EYS: variants seen among roughly 807,000 people sequenced by gnomAD.
EYS encodes protein eyes shut homolog.
In EYS, 250 loss-of-function variants were observed where a neutral mutation model predicts 282.1. The observed-to-expected ratio is 0.89, with a 90% CI of 0.80 to 0.98. The LOEUF (loss-of-function observed/expected upper bound fraction) is 0.98, where lower values mean the gene tolerates loss of function less well. Ranked by LOEUF, EYS falls within the 50% of genes least tolerant of loss-of-function variation. EYS has a pLI of 0.00. For missense variants in EYS, 4,016 were observed against 3,709.0 expected (o/e 1.08, Z -2.15); for synonymous variants, 1,355 against 1,282.9 (o/e 1.06, Z -1.20).
At position 63,726,536 on chromosome 6, in the gene EYS, T is replaced by G; in HGVS notation, c.8216A>C (p.His2739Pro). 3 of 1,550,138 alleles carry G rather than the reference T, an allele frequency of 1.9e-6. No individual in the cohort carries two copies. The South Asian group carries it at 3.6e-5, about 19-fold the overall frequency. Residue 2739 changes from histidine (H) to proline (P), a missense_variant, in exon 42 of 43, where the codon CAC (histidine) becomes CCC (proline). His to Pro is a moderately conservative substitution (Grantham distance 77, BLOSUM62 -2). Coordinates refer to ENST00000503581, the MANE Select transcript of EYS (RefSeq NM_001142800.2). ...AATCTTACCTGATTGGGCTTTTAAG[T>G]GTTGTGCAGCATAAAATAGGATACC... ...ADGILFYAAQ[H>P]LKAQSGDFLC...
At chr6:64,886,265 C>G (rs1767083716) in intron 19 of EYS, among the ~76,000 whole-genome samples, 1 of 151,786 alleles carries the variant, frequency 6.6e-6, no homozygotes, top group African/African-American at 2.4e-5. Context: ...ATACTGACAG[C>G]TAATGCCAAT....
intron 19 of EYS, among the ~76,000 whole-genome samples, chr6:64,854,987 G>A (rs1003242015): frequency 5.9e-5 from 9 of 152,072 alleles, no homozygotes; most frequent in East Asian, 1.9e-4. Context: ...TACTTTTAAG[G>A]TGTCACTATT....
At chr6:65,288,676 T>A (rs900613628) in intron 12 of EYS, among the ~76,000 whole-genome samples, 5 of 151,024 alleles carry the variant, frequency 3.3e-5, no homozygotes, top group African/African-American at 4.8e-5. Flanking sequence ...ATGTAGGAGA[T>A]AAATAAGGGC....
intron 22 of EYS, among the ~76,000 whole-genome samples, chr6:64,703,429 A>ATATTTTTTCTTT (rs869208549): frequency 4.3e-5 from 1 of 23,366 alleles, no homozygotes; most frequent in Non-Finnish European, 1.1e-4. Context: ...ATATATATAT[A>ATATTTTTTCTTT]TTTTTTTTTT....
intron 2 of EYS, among the ~76,000 whole-genome samples, chr6:65,530,499 A>T (rs7770336): frequency 0.076 from 11,594 of 152,226 alleles, 1,318 homozygotes; most frequent in African/African-American, 0.25. Context: ...ATCTATCTAG[A>T]CTTAACAGAA....
chr6:64,716,346 A>G (rs1771391102), intron 22 of EYS, among the ~76,000 whole-genome samples: 1 of 152,190 alleles, frequency 6.6e-6, no homozygotes, highest in Admixed American at 6.5e-5. Flanking sequence ...CAATTGCGAT[A>G]TTGGTTGGCA....
chr6:64,323,449 T>C (rs552367726), intron 29 of EYS, among the ~76,000 whole-genome samples: 2 of 152,272 alleles, frequency 1.3e-5, no homozygotes, highest in Admixed American at 6.5e-5. Context: ...GTTTCCATTT[T>C]TGGCTAGTGT....
chr6:65,041,956 G>T (rs1048886681), intron 13 of EYS, among the ~76,000 whole-genome samples: 1 of 151,474 alleles, frequency 6.6e-6, no homozygotes. Flanking sequence ...CTCACTTCTA[G>T]GTACTAATTT....
At chr6:64,963,131 G>T (rs1417022704) in intron 14 of EYS, among the ~76,000 whole-genome samples, 1 of 152,138 alleles carries the variant, frequency 6.6e-6, no homozygotes, top group East Asian at 1.9e-4. Context: ...CTCTCTAGGT[G>T]TAGTAAGCTA....
intron 31 of EYS, among the ~76,000 whole-genome samples, chr6:64,159,897 T>G (rs142531844): frequency 4.2e-4 from 64 of 152,312 alleles, no homozygotes; most frequent in African/African-American, 1.5e-3. Flanking sequence ...TTGTTACAGG[T>G]TTCCTTTGTT....
At chr6:65,006,503 C>CAAAAAAAAAA (rs59057058) in intron 13 of EYS, among the ~76,000 whole-genome samples, 138 of 82,956 alleles carry the variant, frequency 1.7e-3, no homozygotes, top group East Asian at 2.3e-3. Flanking sequence ...TATTCTAAGT[C>CAAAAAAAAAA]AAAAAAAAAA....
In EYS at chr6:65,372,102, C is replaced by A. The variant is rs549968076; in HGVS notation, c.1299+12284G>T. Among the ~76,000 whole-genome samples the A allele has an allele frequency of 4.0e-5, 6 of 150,256 alleles. No individual in the cohort carries two copies. In the South Asian group the frequency reaches 1.3e-3, roughly 32 times the overall value. ...TTAGTTTTAAATTTTGTGTTTTTTTCTTTGTTCTCTAATGAAGCCTTATAG... is the reference window on the plus strand; with the variant it reads ...TTAGTTTTAAATTTTGTGTTTTTTTATTTGTTCTCTAATGAAGCCTTATAG... On this transcript the variant is annotated intron_variant, in intron 8 of 42. Coordinates refer to ENST00000503581, the MANE Select transcript of EYS (RefSeq NM_001142800.2).
chr6:64,714,753 C>T (rs1343770114), intron 22 of EYS, among the ~76,000 whole-genome samples: 1 of 151,972 alleles, frequency 6.6e-6, no homozygotes, highest in Admixed American at 6.6e-5. Flanking sequence ...GTCTCAATCT[C>T]CTGACCTCGT....
chr6:64,052,291 C>T (rs1034692209), intron 33 of EYS, among the ~76,000 whole-genome samples: 4 of 152,116 alleles, frequency 2.6e-5, no homozygotes, highest in Admixed American at 6.6e-5. Flanking sequence ...AGCACTTAGA[C>T]ATACTTTTGA....
chr6:65,512,759 A>G (rs1477199215), intron 2 of EYS, among the ~76,000 whole-genome samples: 1 of 152,128 alleles, frequency 6.6e-6, no homozygotes, highest in Non-Finnish European at 1.5e-5. Context: ...AAGACACAGC[A>G]TACCAGAATC....
At chr6:64,610,507 G>A (rs941893567) in intron 24 of EYS, among the ~76,000 whole-genome samples, 3 of 148,988 alleles carry the variant, frequency 2.0e-5, no homozygotes, top group Non-Finnish European at 4.4e-5. Context: ...CGGTTCAAGC[G>A]ATCCTTGTGC....
intron 26 of EYS, among the ~76,000 whole-genome samples, chr6:64,523,809 G>A (rs1193239836): frequency 6.6e-6 from 1 of 151,596 alleles, no homozygotes; most frequent in African/African-American, 2.4e-5. Flanking sequence ...TATTTGTCAT[G>A]TTCAATCAAA....
intron 32 of EYS, among the ~76,000 whole-genome samples, chr6:64,075,414 A>AT (rs1771735109): frequency 6.6e-6 from 1 of 151,964 alleles, no homozygotes; most frequent in African/African-American, 2.4e-5. Context: ...AATTTCTGAA[A>AT]TTTATAGACA....
intron 12 of EYS, among the ~76,000 whole-genome samples, chr6:65,206,642 T>C (rs1261997947): frequency 6.6e-6 from 1 of 151,634 alleles, no homozygotes; most frequent in Non-Finnish European, 1.5e-5. Flanking sequence ...AAAATGCAAG[T>C]AAACTGAATC....
Sources: gnomAD v4.1 joint callset for allele counts (sites outside exome capture counted in the v4.1 genomes callset) on GRCh38, gnomAD v4.1.1 for gene constraint, MANE v1.5 for transcripts, NCBI Gene and HGNC (gene_info 2026-07-23, HGNC 2026-07-21) for gene names.